RIMS1: variants seen among roughly 807,000 people sequenced by gnomAD.
The protein encoded by RIMS1 is regulating synaptic membrane exocytosis protein 1.
RIMS1 carries 83 observed loss-of-function variants against 214.1 expected under a neutral mutation model. The observed-to-expected ratio is 0.39, with a 90% CI of 0.32 to 0.47. The LOEUF (loss-of-function observed/expected upper bound fraction) is 0.47, where lower values mean the gene tolerates loss of function less well. Among genes scored for constraint, RIMS1 ranks in the 20% least tolerant of loss-of-function variants. RIMS1 has a pLI of 0.99. For missense variants in RIMS1, 2,050 were observed against 2,161.8 expected (o/e 0.95, Z 1.03); for synonymous variants, 793 against 786.8 (o/e 1.01, Z -0.13).
In RIMS1 at chr6:72,182,763, A is replaced by G. The variant is rs1287731679; in HGVS notation, c.1292A>G (p.Glu431Gly). ...GACTCGCCGCGGGCTTACTCGGCTG[A>G]GAGAACTGCGGAGACCAGGGCGCCG... ...PPDSPRAYSA[E>G]RTAETRAPGA... The change falls in exon 6 of 34, where the codon GAG becomes GGG. Residue 431 changes from glutamate (E) to glycine (G), a missense_variant. By Grantham distance (98) the Glu-to-Gly change is moderately conservative. Around this residue, in one of 6 missense-constraint regions of RIMS1, gnomAD observed 882 missense variants for 828.9 expected, o/e 1.06. Transcript: ENST00000521978. 1 of 1,544,398 alleles carries G rather than the reference A, an allele frequency of 6.5e-7. No homozygotes were observed. Among genetic ancestry groups the G allele is most frequent in the Admixed American group, 2.0e-5 (1 of 51,222 alleles).
At chr6:72,271,286 A>AAAATATATATATATATAT (rs1417580438) in intron 22 of RIMS1, among the ~76,000 whole-genome samples, 49 of 44,266 alleles carry the variant, frequency 1.1e-3, no homozygotes, top group Non-Finnish European at 1.6e-3. Flanking sequence ...AAAAAAAAAA[A>AAAATATATATATATATAT]ATATATATAT....
chr6:72,359,262 A>G (rs574112372), intron 29 of RIMS1, among the ~76,000 whole-genome samples: 1 of 152,336 alleles, frequency 6.6e-6, no homozygotes, highest in African/African-American at 2.4e-5. Flanking sequence ...GCAAGCTTTT[A>G]ATGTGCTGGT....
At position 72,368,847 on chromosome 6, in the gene RIMS1, A is replaced by G. The variant is rs904045338; in HGVS notation, c.4367-21751A>G. Among the ~76,000 whole-genome samples the G allele has an allele frequency of 2.6e-4, 40 of 152,226 alleles. 1 individual carries two copies. The highest frequency in any genetic ancestry group is 2.1e-3 in the South Asian group (10 of 4,820). ...TAGGAGTTCAGAGAGCAGTATCACT[A>G]CAGCTTAGGGTGGTCACACTTGGTT... On this transcript the variant is annotated intron_variant, in intron 29 of 33. Coordinates refer to ENST00000521978, the MANE Select transcript of RIMS1 (RefSeq NM_014989.7).
chr6:72,234,244 T>C (rs2063172930), intron 7 of RIMS1, among the ~76,000 whole-genome samples: 1 of 151,988 alleles, frequency 6.6e-6, no homozygotes, highest in South Asian at 2.1e-4. Context: ...AAATGAAATA[T>C]AGTTCTAAAT....
chr6:72,098,953 A>G (rs2032791581), intron 3 of RIMS1, among the ~76,000 whole-genome samples: 1 of 152,182 alleles, frequency 6.6e-6, no homozygotes, highest in African/African-American at 2.4e-5. Flanking sequence ...TTCCCCTTCT[A>G]TAGTGCTCTT....
intron 2 of RIMS1, among the ~76,000 whole-genome samples, chr6:71,977,235 C>G (rs1393686571): frequency 6.6e-6 from 1 of 152,182 alleles, no homozygotes; most frequent in Non-Finnish European, 1.5e-5. Context: ...ACCCTTGCTG[C>G]TGCTGAGCCA....
intron 6 of RIMS1, among the ~76,000 whole-genome samples, chr6:72,204,132 G>A (rs2496526): frequency 0.71 from 107,758 of 151,982 alleles, 38,543 homozygotes; most frequent in East Asian, 0.84. Flanking sequence ...TAGCTCTGTA[G>A]TGCTTGGGAG....
At chr6:72,258,928 C>T in intron 17 of RIMS1, 58 bp from the exon 18 acceptor site, 1 of 1,537,958 alleles carries the variant, frequency 6.5e-7, no homozygotes, top group Admixed American at 1.7e-5. Context: ...TTTAGTCTGT[C>T]TGCCTGTTTT....
In RIMS1 at chr6:72,182,664, C is replaced by G. The variant is rs1480140179; in HGVS notation, c.1193C>G (p.Thr398Ser). 6.2e-6 allele frequency: 9 copies of G among 1,462,210 alleles called. No homozygotes were observed. Among genetic ancestry groups the G allele is most frequent in the African/African-American group, 4.5e-5 (3 of 67,268 alleles). The allele number at this position is 1,462,210 out of a possible 1,614,324, so 90.6% of individuals were successfully genotyped here. ...RRHSDVALPRTEAGAALPEGK... is the reference protein window; with the variant it reads ...RRHSDVALPRSEAGAALPEGK... The stretch of plus-strand genomic sequence containing the variant: ...CACAGCGACGTGGCGCTCCCGCGCA[C>G]CGAGGCGGGCGCGGCGCTGCCGGAG... The change falls in exon 6 of 34, where the codon ACC becomes AGC. Residue 398 changes from threonine (T) to serine (S), a missense_variant. Physicochemically the swap from Thr to Ser is moderately conservative, Grantham distance 58. Transcript: ENST00000521978.
chr6:72,142,010 T>C (rs1271874618), intron 4 of RIMS1, among the ~76,000 whole-genome samples: 2 of 152,040 alleles, frequency 1.3e-5, no homozygotes, highest in East Asian at 1.9e-4. Flanking sequence ...TTTTAAAACA[T>C]CTATTAAAAG....
chr6:72,274,928 T>G (rs1452645023), intron 23 of RIMS1, among the ~76,000 whole-genome samples: 1 of 151,560 alleles, frequency 6.6e-6, no homozygotes, highest in Admixed American at 6.6e-5. Flanking sequence ...TTTTATATAT[T>G]TTATAAATAT....
chr6:71,902,049 A>G (rs73748929), intron 1 of RIMS1, among the ~76,000 whole-genome samples: 2 of 152,138 alleles, frequency 1.3e-5, no homozygotes, highest in African/African-American at 2.4e-5. Context: ...GAGGAGTTCA[A>G]TTTGGGTTTC....
intron 28 of RIMS1, 25 bp downstream of exon 28, chr6:72,313,697 A>G (rs573194431): frequency 6.3e-7 from 1 of 1,581,102 alleles, no homozygotes; most frequent in African/African-American, 1.4e-5. Flanking sequence ...CTGTTTATAT[A>G]AACTGGATCT....
chr6:71,903,887 C>A (rs1168146326), intron 1 of RIMS1, among the ~76,000 whole-genome samples: 1 of 152,020 alleles, frequency 6.6e-6, no homozygotes, highest in Non-Finnish European at 1.5e-5. Context: ...AAAATTAATA[C>A]ATCTGTTTTC....
chr6:71,922,739 T>A (rs989295938), intron 1 of RIMS1, among the ~76,000 whole-genome samples: 2 of 152,130 alleles, frequency 1.3e-5, no homozygotes, highest in African/African-American at 4.8e-5. Context: ...TTTATTCCTA[T>A]GAGAGGAGTA....
chr6:72,202,466 T>C (rs949767951), intron 6 of RIMS1, among the ~76,000 whole-genome samples: 14 of 152,214 alleles, frequency 9.2e-5, no homozygotes, highest in Non-Finnish European at 1.5e-5. Flanking sequence ...CCAGTCATAC[T>C]GGATTAGGAA....
intron 2 of RIMS1, among the ~76,000 whole-genome samples, chr6:71,987,396 C>A (rs140932879): frequency 2.2e-4 from 34 of 152,280 alleles, no homozygotes; most frequent in African/African-American, 7.9e-4. Flanking sequence ...TCCTCACAGG[C>A]GGAGAGCAGA....
chr6:72,330,252 C>T (rs1007379553), intron 28 of RIMS1, among the ~76,000 whole-genome samples: 2 of 151,686 alleles, frequency 1.3e-5, no homozygotes, highest in African/African-American at 2.4e-5. Flanking sequence ...GAGTTATTAG[C>T]GACTGATAAA....
intron 22 of RIMS1, 182 bp downstream of exon 22, chr6:72,266,231 C>A: frequency 1.6e-6 from 1 of 633,382 alleles, no homozygotes; most frequent in Non-Finnish European, 2.9e-6. Flanking sequence ...TGGATAAACC[C>A]AAGGGTACAC....
Sources: allele counts gnomAD v4.1 joint callset (sites outside exome capture counted in the v4.1 genomes callset), GRCh38; gene constraint gnomAD v4.1.1; regional missense constraint gnomAD v4.1.1; transcripts MANE v1.5; gene names NCBI Gene and HGNC (gene_info 2026-07-23, HGNC 2026-07-21).